The following RGPD3 variants were observed in gnomAD, a reference collection of about 807,000 sequenced individuals.
The protein encoded by RGPD3 is RANBP2 like and GRIP domain containing 3.
A neutral mutation model predicts 154.5 loss-of-function variants in RGPD3; 62 were observed. That is an observed-to-expected ratio of 0.40 (90% confidence interval 0.33 to 0.50). RGPD3 has a LOEUF of 0.50. Among genes scored for constraint, RGPD3 ranks in the 20% least tolerant of loss-of-function variants. RGPD3 has a pLI of 0.59. For missense variants in RGPD3, 919 were observed against 1,716.8 expected, an observed-to-expected ratio of 0.54 and a Z score of 8.21; for synonymous variants, 308 against 607.0, an observed-to-expected ratio of 0.51 and a Z score of 7.24.
chr2:106,441,783 G>C (rs1242973082), intron 7 of RGPD3, among the ~76,000 whole-genome samples: 1 of 136,598 alleles, frequency 7.3e-6, no homozygotes, highest in Non-Finnish European at 1.5e-5. Flanking sequence ...AGGATAGCTT[G>C]AACCTGGGAG....
chr2:106,446,462 C>T (rs1249275198), intron 7 of RGPD3, among the ~76,000 whole-genome samples: 47 of 146,018 alleles, frequency 3.2e-4, no homozygotes, highest in African/African-American at 1.2e-3. Context: ...CCCAGCTACT[C>T]AGGAGGCTGA....
At chr2:106,438,129 T>C (rs1420322308) in intron 9 of RGPD3, among the ~76,000 whole-genome samples, 2 of 151,216 alleles carry the variant, frequency 1.3e-5, no homozygotes, top group Non-Finnish European at 3.0e-5. Context: ...GGTTTCACCA[T>C]GTTGGCCAGG....
intron 6 of RGPD3, among the ~76,000 whole-genome samples, 182 bp from the exon 7 acceptor site, chr2:106,447,795 C>A (rs1288670538): frequency 1.4e-5 from 2 of 146,612 alleles, no homozygotes; most frequent in East Asian, 4.0e-4. Context: ...TTTTATCCTG[C>A]ATACTTCCTA....
intron 1 of RGPD3, among the ~76,000 whole-genome samples, chr2:106,465,888 G>T (rs1319581129): frequency 4.0e-5 from 6 of 151,892 alleles, no homozygotes; most frequent in South Asian, 2.1e-4. Flanking sequence ...CATTTGCGCC[G>T]TCGGGCCATT....
At chr2:106,418,907 TTTA>T (rs1676897320) in intron 20 of RGPD3, among the ~76,000 whole-genome samples, 1 of 148,636 alleles carries the variant, frequency 6.7e-6, no homozygotes, top group African/African-American at 2.5e-5. Context: ...CATGTATTGG[TTTA>T]TTGACTCCCA....
At chr2:106,421,156 G>A (rs998182678) in intron 20 of RGPD3, among the ~76,000 whole-genome samples, 4 of 152,086 alleles carry the variant, frequency 2.6e-5, no homozygotes, top group Non-Finnish European at 5.9e-5. Flanking sequence ...GACACCTTGG[G>A]TAAATCAGAT....
chr2:106,413,145 A>C lies in RGPD3; in HGVS notation c.5205T>G (p.Val1735=), dbSNP rs1676724055. The change falls in exon 22 of 23, where the codon GTT becomes GTG. Residue 1735 remains valine (V), a synonymous_variant. Transcript: ENST00000409886. ...PGSERERLLP[V]INTMLQLSLE... is the part of the protein sequence containing the mutation. The stretch of plus-strand genomic sequence containing the variant: ...GGCTGAGCTGCAACATCGTATTTAT[A>C]ACAGGAAGAAGTCTCTCTCTTTCAC... 1 of 1,611,478 alleles carries C rather than the reference A, an allele frequency of 6.2e-7. No individual in the cohort carries two copies. The highest frequency in any genetic ancestry group is 1.3e-5 in the African/African-American group (1 of 74,794).
At chr2:106,411,266 GTCAA>G (rs1281629647) in intron 22 of RGPD3, among the ~76,000 whole-genome samples, 2 of 128,200 alleles carry the variant, frequency 1.6e-5, no homozygotes, top group Admixed American at 1.8e-4. Context: ...ACTAGATAAG[GTCAA>G]TCAGTCAAAA....
chr2:106,426,755 A>G (rs1677209685), intron 18 of RGPD3, among the ~76,000 whole-genome samples: 1 of 152,266 alleles, frequency 6.6e-6, no homozygotes, highest in Non-Finnish European at 1.5e-5. Flanking sequence ...GAACTGTTTT[A>G]TGATAGTTTT....
intron 1 of RGPD3, among the ~76,000 whole-genome samples, chr2:106,462,215 AG>A (rs1678427130): frequency 6.6e-6 from 1 of 151,822 alleles, no homozygotes; most frequent in Non-Finnish European, 1.5e-5. Flanking sequence ...AATAGATTCA[AG>A]GTACAATGCC....
rs5017773 is a variant in RGPD3 at position 106,467,523 on chromosome 2, T to C, written c.72+694A>G. Among the ~76,000 whole-genome samples the C allele has an allele frequency of 0.037, 221 of 6,006 alleles. 57 individuals carry two copies. The East Asian group carries it at 0.5, about 14-fold the overall frequency. 3.9% of individuals were successfully genotyped at this position (6,006 alleles called of 152,430 possible). On this transcript the variant is annotated intron_variant, in intron 1 of 22. Transcript: ENST00000409886. Reference sequence around the variant, plus strand: ...ACGCCTGAGCCATCGAGGCCGCCGCTGGGCCGGGTTGAGGCCGCCGCCTCA... The same window carrying C: ...ACGCCTGAGCCATCGAGGCCGCCGCCGGGCCGGGTTGAGGCCGCCGCCTCA...
chr2:106,451,464 C>T (rs1320311358), intron 6 of RGPD3, among the ~76,000 whole-genome samples: 4 of 147,668 alleles, frequency 2.7e-5, no homozygotes, highest in Admixed American at 2.0e-4. Flanking sequence ...GATTACTAAT[C>T]TGGCTTTACA....
rs1160792236 is a variant in RGPD3 at position 106,449,466 on chromosome 2, C to CAAA, written c.783-1856_783-1854dup. Among the ~76,000 whole-genome samples the CAAA allele has an allele frequency of 1.9e-3, 108 of 56,680 alleles. 3 individuals carry two copies. Among genetic ancestry groups the CAAA allele is most frequent in the Non-Finnish European group, 1.9e-3 (56 of 29,830 alleles). The allele number at this position is 56,680 out of a possible 152,430, so 37.2% of individuals were successfully genotyped here. A position where few individuals can be genotyped will look rare whatever the true frequency, so the allele number is the denominator to read the frequency against. On this transcript the variant is annotated intron_variant, in intron 6 of 22. Transcript: ENST00000409886. ...GGGCAACAAGAGCAAAACTCTGTCT[C>CAAA]AAAAAAAAAAAAAAAAAAAAAGCTA...
chr2:106,441,226 C>T lies in RGPD3; in HGVS notation c.1066+67G>A, dbSNP rs1394195371. Reference sequence around the variant, plus strand: ...TCTCCTGGACAGACTGAGATTTTATCATAAGATATGCCTTAACAGAAATTC... The same window carrying T: ...TCTCCTGGACAGACTGAGATTTTATTATAAGATATGCCTTAACAGAAATTC... On this transcript the variant is annotated intron_variant, in intron 8 of 22. Coordinates refer to ENST00000409886, the MANE Select transcript of RGPD3 (RefSeq NM_001144013.2). 6 of 1,576,186 alleles carry T rather than the reference C, an allele frequency of 3.8e-6. 1 individual carries two copies. The African/African-American group carries it at 8.3e-5, about 22-fold the overall frequency.
At chr2:106,449,601 G>A (rs1678047998) in intron 6 of RGPD3, among the ~76,000 whole-genome samples, 2 of 151,820 alleles carry the variant, frequency 1.3e-5, no homozygotes, top group South Asian at 4.2e-4. Context: ...CATACGGCCG[G>A]GTGCAGTGGC....
At chr2:106,409,042 C>G (rs909762698) in intron 22 of RGPD3, among the ~76,000 whole-genome samples, 2 of 151,980 alleles carry the variant, frequency 1.3e-5, no homozygotes, top group Non-Finnish European at 2.9e-5. Flanking sequence ...ATTAATTTCA[C>G]CATCCACTAA....
intron 21 of RGPD3, among the ~76,000 whole-genome samples, chr2:106,413,922 T>C (rs889752493): frequency 9.2e-5 from 14 of 151,790 alleles, no homozygotes; most frequent in African/African-American, 2.7e-4. Context: ...CTTCTACTTT[T>C]GATAGAAACT....
At chr2:106,438,746 C>T (rs1032499024) in intron 9 of RGPD3, among the ~76,000 whole-genome samples, 5 of 149,634 alleles carry the variant, frequency 3.3e-5, no homozygotes, top group African/African-American at 1.2e-4. Flanking sequence ...CGCACCACTG[C>T]ACTCCAGCAT....
At chr2:106,451,290 C>G (rs1168830730) in intron 6 of RGPD3, among the ~76,000 whole-genome samples, 2 of 151,768 alleles carry the variant, frequency 1.3e-5, no homozygotes. Context: ...CTGCTCTTAC[C>G]CTACCAATTT....
Sources: allele counts gnomAD v4.1 joint callset (sites outside exome capture counted in the v4.1 genomes callset), GRCh38; gene constraint gnomAD v4.1.1; transcripts MANE v1.5; gene names NCBI Gene and HGNC (gene_info 2026-07-23, HGNC 2026-07-21).